Variants in NTN3 observed in about 807,000 individuals in gnomAD.
NTN3 encodes netrin 3, also known as netrin-3.
A neutral mutation model predicts 37.2 loss-of-function variants in NTN3; 44 were observed. That is an observed-to-expected ratio of 1.18 (90% CI 0.93 to 1.52). The LOEUF (loss-of-function observed/expected upper bound fraction) is 1.52. Ranked by LOEUF, NTN3 falls within the 40% of genes most tolerant of loss-of-function variation. NTN3 has a pLI of 0.00. For missense variants in NTN3, 882 were observed against 857.3 expected (o/e 1.03, Z -0.36); for synonymous variants, 385 against 376.0 (o/e 1.02, Z -0.28).
rs1392728025 is a variant in NTN3 at position 2,473,003 on chromosome 16, T to C, written c.1136T>C (p.Val379Ala). ...RACRACDCHP[V>A]GAAGKTCNQT... The stretch of plus-strand genomic sequence containing the variant: ...TCCTCAGCCTGCGACTGTCACCCGG[T>C]TGGTGCTGCTGGCAAGACCTGCAAC... Residue 379 changes from valine to alanine, a missense_variant, in exon 3 of 6, where the codon GTT becomes GCT. Physicochemically the swap from Val to Ala is moderately conservative, Grantham distance 64. Coordinates refer to ENST00000293973, the MANE Select transcript of NTN3 (RefSeq NM_006181.3). 6.2e-7 allele frequency: 1 copy of C among 1,605,172 alleles called. No homozygotes were observed. Among genetic ancestry groups the C allele is most frequent in the African/African-American group, 1.3e-5 (1 of 74,798 alleles).
rs554875008 is a variant in NTN3 at position 2,472,321 on chromosome 16, G to A, written c.620G>A (p.Ser207Asn). The change falls in exon 1 of 6, where the codon AGC (serine) becomes AAC (asparagine). Residue 207 changes from serine to asparagine, a missense_variant. Ser to Asn is a conservative substitution (Grantham distance 46). Coordinates refer to ENST00000293973, the MANE Select transcript of NTN3 (RefSeq NM_006181.3). ...DSSPPGLDLD[S>N]SPVLQDWVTA... is the part of the protein sequence containing the mutation. ...AGCCCCCCAGGCCTGGACCTGGACAGCAGCCCAGTGCTCCAAGACTGGGTG... is the reference window on the plus strand; with the variant it reads ...AGCCCCCCAGGCCTGGACCTGGACAACAGCCCAGTGCTCCAAGACTGGGTG... 7.0e-4 allele frequency: 1,127 copies of A among 1,609,958 alleles called. 9 individuals are homozygous for A. In the South Asian group the frequency reaches 0.011, roughly 16 times the overall value.
rs779303286 is a variant in NTN3, at chr16:2,472,415, C to T, written c.714C>T (p.Ala238=). 55 of 1,612,472 alleles carry T rather than the reference C, an allele frequency of 3.4e-5. No homozygotes were observed. The highest frequency in any genetic ancestry group is 5.3e-5 in the African/African-American group (4 of 74,924). ...CAGGTGACCCCAGGGACATGGAGGC[C>T]GTCGTCCCTTACTCCTACGCAGCCA... is the stretch of plus-strand genomic sequence containing the variant. ...STAGDPRDME[A]VVPYSYAATD... The change falls in exon 1 of 6, where the codon GCC becomes GCT. Residue 238 remains alanine, a synonymous_variant. Transcript: ENST00000293973.
In NTN3 at chr16:2,471,981, C is replaced by A. The variant is rs749265175; in HGVS notation, c.280C>A (p.Arg94Ser). 9 of 1,598,182 alleles carry A rather than the reference C, an allele frequency of 5.6e-6. No homozygotes were observed. Among genetic ancestry groups the A allele is most frequent in the Non-Finnish European group, 7.6e-6 (9 of 1,177,822 alleles). The change falls in exon 1 of 6, where the codon CGC becomes AGC. Residue 94 changes from arginine (R) to serine (S), a missense_variant. By Grantham distance (110) the Arg-to-Ser change is moderately radical (BLOSUM62 -1). Transcript: ENST00000293973. The stretch of plus-strand genomic sequence containing the variant: ...GGGCACGGCCAGCCCTCTGTGCTGG[C>A]GCTCGGAGTCCCTGCCTCGGGCGCC... ...PGGTASPLCW[R>S]SESLPRAPLN...
rs1305025135 is a variant in NTN3, at chr16:2,473,774, G to T, written c.1412G>T (p.Gly471Val). 2.9e-6 allele frequency: 4 copies of T among 1,386,032 alleles called. No individual in the cohort carries two copies. In the South Asian group the frequency reaches 4.9e-5, roughly 17 times the overall value. The allele number at this position is 1,386,032 out of a possible 1,614,324, so 85.9% of individuals were successfully genotyped here. A position where few individuals can be genotyped will look rare whatever the true frequency, so the allele number is the denominator to read the frequency against. Residue 471 changes from glycine (G) to valine (V), a missense_variant, in exon 6 of 6, where the codon GGT (glycine) becomes GTT (valine). Transcript: ENST00000293973. Reference sequence around the variant, plus strand: ...CCCGCAGCGGTGCAGGTGGCGGTGGGTGCGCGCGGCGAGGCGCGCGGCGCG... The same window carrying T: ...CCCGCAGCGGTGCAGGTGGCGGTGGTTGCGCGCGGCGAGGCGCGCGGCGCG... ...KKDYAVQVAVGARGEARGAWT... is the reference protein window; with the variant it reads ...KKDYAVQVAVVARGEARGAWT...
At position 2,472,824 on chromosome 16, in the gene NTN3, A is replaced by C; in HGVS notation, c.1052A>C (p.His351Pro). The change falls in exon 2 of 6, where the codon CAC becomes CCC. Residue 351 changes from histidine to proline, a missense_variant. Coordinates refer to ENST00000293973, the MANE Select transcript of NTN3 (RefSeq NM_006181.3). The stretch of plus-strand genomic sequence containing the variant: ...CACAACACCGCCGGCCGCCACTGCC[A>C]CTACTGCCGGGAGGGCTTCTATCGA... ...CRHNTAGRHC[H>P]YCREGFYRDP... The C allele has an allele frequency of 6.2e-7, 1 of 1,609,916 alleles. No individual in the cohort carries two copies. The highest frequency in any genetic ancestry group is 8.5e-7 in the Non-Finnish European group (1 of 1,179,516).
In NTN3 at chr16:2,472,387, C is replaced by T. The variant is rs372301144; in HGVS notation, c.686C>T (p.Thr229Met). The change falls in exon 1 of 6, where the codon ACG (threonine) becomes ATG (methionine). Residue 229 changes from threonine to methionine, a missense_variant. By Grantham distance (81) the Thr-to-Met change is moderately conservative. Transcript: ENST00000293973. ...CGTGTAGTGCTCACAAGGCCTAGCA[C>T]GGCAGGTGACCCCAGGGACATGGAG... ...DVRVVLTRPS[T>M]AGDPRDMEAV... 26 of 1,612,712 alleles carry T rather than the reference C, an allele frequency of 1.6e-5. 1 individual carries two copies. The highest frequency in any genetic ancestry group is 1.9e-5 in the Non-Finnish European group (23 of 1,179,906).
Position 2,472,298 on chromosome 16 carries a change from C to G in NTN3, c.597C>G (p.Ser199Arg), listed in dbSNP as rs1276488553. The change falls in exon 1 of 6, where the codon AGC becomes AGG. Residue 199 changes from serine to arginine, a missense_variant. Physicochemically the swap from Ser to Arg is moderately radical, Grantham distance 110. Transcript: ENST00000293973. ...GLLAFSMQDS[S>R]PPGLDLDSSP... ...TGGCCTTCAGCATGCAGGACAGCAG[C>G]CCCCCAGGCCTGGACCTGGACAGCA... is the stretch of plus-strand genomic sequence containing the variant. 3.1e-6 allele frequency: 5 copies of G among 1,606,648 alleles called. No homozygotes were observed. In the East Asian group the frequency reaches 1.1e-4, roughly 36 times the overall value.
rs768950238 is a variant in NTN3 at position 2,472,252 on chromosome 16, A to G, written c.551A>G (p.Gln184Arg). 5.0e-6 allele frequency: 8 copies of G among 1,609,916 alleles called. No individual in the cohort carries two copies. In the South Asian group the frequency reaches 8.8e-5, roughly 18 times the overall value. Residue 184 changes from glutamine (Q) to arginine (R), a missense_variant, in exon 1 of 6, where the codon CAG becomes CGG. Physicochemically the swap from Gln to Arg is conservative, Grantham distance 43 (BLOSUM62 1). Coordinates refer to ENST00000293973, the MANE Select transcript of NTN3 (RefSeq NM_006181.3). The stretch of plus-strand genomic sequence containing the variant: ...CTGTGCTTCCCCGCACCCCTGGCCC[A>G]GCCTGATGGCAGCGGCCTTCTGGCC... ...EALCFPAPLA[Q>R]PDGSGLLAFS...
chr16:2,472,704 G>C lies in NTN3; in HGVS notation c.932G>C (p.Cys311Ser). The change falls in exon 2 of 6, where the codon TGC (cysteine) becomes TCC (serine). Residue 311 changes from cysteine to serine, a missense_variant. Physicochemically the swap from Cys to Ser is moderately radical, Grantham distance 112. Coordinates refer to ENST00000293973, the MANE Select transcript of NTN3 (RefSeq NM_006181.3). ...CCTGACCCATCCCTCCCTGCAGCTT[G>C]CTCCTGCAACGGCCATGCCCGCCGC... ...TARESHACLA[C>S]SCNGHARRCR... 1 of 1,608,808 alleles carries C rather than the reference G, an allele frequency of 6.2e-7. No individual in the cohort carries two copies. Among genetic ancestry groups the C allele is most frequent in the Non-Finnish European group, 8.5e-7 (1 of 1,179,288 alleles).
Position 2,473,922 on chromosome 16 carries a change from C to A in NTN3, c.1560C>A (p.Leu520=), listed in dbSNP as rs965871049. ...CGGCCTGCGGCTGCCCGCGCCTGCT[C>A]CCCGGCCGCCGCTACCTCCTGCTGG... ...GDAACGCPRL[L]PGRRYLLLGG... Residue 520 remains leucine, a synonymous_variant, in exon 6 of 6, where the codon CTC becomes CTA. Coordinates refer to ENST00000293973, the MANE Select transcript of NTN3 (RefSeq NM_006181.3). 3 of 1,187,876 alleles carry A rather than the reference C, an allele frequency of 2.5e-6. No homozygotes were observed. The highest frequency in any genetic ancestry group is 4.5e-5 in the Admixed American group (1 of 22,002). The allele number at this position is 1,187,876 out of a possible 1,614,324, so 73.6% of individuals were successfully genotyped here. A position where few individuals can be genotyped will look rare whatever the true frequency, so the allele number is the denominator to read the frequency against.
At chr16:2,472,673 C>T (rs753204272) in intron 1 of NTN3, 28 bp from the exon 2 acceptor site, 1 of 1,606,218 alleles carries the variant, frequency 6.2e-7, no homozygotes, top group Admixed American at 1.7e-5. Flanking sequence ...ACACAACCAG[C>T]CTGCCCCTGA....
At chr16:2,473,669 C>T in intron 5 of NTN3, 87 bp from the exon 6 acceptor site, 2 of 1,305,430 alleles carry the variant, frequency 1.5e-6, no homozygotes, top group Non-Finnish European at 2.1e-6. Flanking sequence ...TCAGCCCCCA[C>T]TGCCCTCCTG....
At position 2,474,079 on chromosome 16, in the gene NTN3, C is replaced by T. The variant is rs2065542182; in HGVS notation, c.1717C>T (p.Arg573Trp). ...CCTGCGGAGGCTGCAGCGACGCGAA[C>T]GGCGGGGGCGCTGCAGCGCCGCCTG... Reference protein sequence around the residue: ...RRLRRLQRRERRGRCSAA With the variant: ...RRLRRLQRREWRGRCSAA Residue 573 changes from arginine to tryptophan, a missense_variant, in exon 6 of 6, where the codon CGG becomes TGG. Physicochemically the swap from Arg to Trp is moderately radical, Grantham distance 101. Coordinates refer to ENST00000293973, the MANE Select transcript of NTN3 (RefSeq NM_006181.3). 3 of 1,207,282 alleles carry T rather than the reference C, an allele frequency of 2.5e-6. No individual in the cohort carries two copies. The South Asian group carries it at 1.2e-4, about 50-fold the overall frequency. The allele number at this position is 1,207,282 out of a possible 1,614,324, so 74.8% of individuals were successfully genotyped here.
chr16:2,473,468 G>T lies in NTN3; in HGVS notation c.1358G>T (p.Arg453Leu), dbSNP rs140362721. 5.5e-5 allele frequency: 89 copies of T among 1,612,836 alleles called. No homozygotes were observed. Among genetic ancestry groups the T allele is most frequent in the Middle Eastern group, 3.3e-4 (2 of 6,084 alleles). ...TGCAAACCTGCCCGTGGCAGCTACC[G>T]CATCAGCCTAAAGAAGTTCTGCAAG... ...SHCKPARGSY[R>L]ISLKKFCKKD... Residue 453 changes from arginine to leucine, a missense_variant, in exon 5 of 6, where the codon CGC becomes CTC. Coordinates refer to ENST00000293973, the MANE Select transcript of NTN3 (RefSeq NM_006181.3).
chr16:2,472,958 C>G (rs1486486446), intron 2 of NTN3, 27 bp from the exon 3 acceptor site: 2 of 1,585,892 alleles, frequency 1.3e-6, no homozygotes, highest in Non-Finnish European at 1.7e-6. Flanking sequence ...AGGCTTCTGA[C>G]CAGGCCCTTC....
At position 2,474,087 on chromosome 16, in the gene NTN3, G is replaced by T. The variant is rs1001517211; in HGVS notation, c.1725G>T (p.Gly575=). The change falls in exon 6 of 6, where the codon GGG becomes GGT. Residue 575 remains glycine (G), a synonymous_variant. Coordinates refer to ENST00000293973, the MANE Select transcript of NTN3 (RefSeq NM_006181.3). ...LRRLQRRERR[G]RCSAA is the part of the protein sequence containing the mutation. ...GGCTGCAGCGACGCGAACGGCGGGG[G>T]CGCTGCAGCGCCGCCTGAGCCCGCC... 1.8e-5 allele frequency: 22 copies of T among 1,207,510 alleles called. No individual in the cohort carries two copies. The highest frequency in any genetic ancestry group is 2.3e-5 in the Non-Finnish European group (22 of 971,862). The allele number at this position is 1,207,510 out of a possible 1,614,324, so 74.8% of individuals were successfully genotyped here.
At position 2,472,471 on chromosome 16, in the gene NTN3, G is replaced by A. The variant is rs368802474; in HGVS notation, c.770G>A (p.Cys257Tyr). ...TDLQVGGRCKCNGHASRCLLD... is the reference protein window; with the variant it reads ...TDLQVGGRCKYNGHASRCLLD... ...CTCCAGGTGGGCGGGCGCTGCAAGTGCAATGGACATGCCTCACGGTGCCTG... is the reference window on the plus strand; with the variant it reads ...CTCCAGGTGGGCGGGCGCTGCAAGTACAATGGACATGCCTCACGGTGCCTG... Residue 257 changes from cysteine to tyrosine, a missense_variant, in exon 1 of 6, where the codon TGC (cysteine) becomes TAC (tyrosine). Coordinates refer to ENST00000293973, the MANE Select transcript of NTN3 (RefSeq NM_006181.3). 3.1e-5 allele frequency: 50 copies of A among 1,611,808 alleles called. No homozygotes were observed. The highest frequency in any genetic ancestry group is 3.8e-5 in the Non-Finnish European group (45 of 1,179,660).
In NTN3 at chr16:2,472,134, G is replaced by T; in HGVS notation, c.433G>T (p.Ala145Ser). 6.2e-7 allele frequency: 1 copy of T among 1,608,158 alleles called. No homozygotes were observed. The change falls in exon 1 of 6, where the codon GCC becomes TCC. Residue 145 changes from alanine (A) to serine (S), a missense_variant. Coordinates refer to ENST00000293973, the MANE Select transcript of NTN3 (RefSeq NM_006181.3). ...GTCTCAGGACCATGGCCGCAGCTGG[G>T]CCCCGCTGGGCTTCTTCTCCTCCCA... ...LKSQDHGRSW[A>S]PLGFFSSHCD... is the part of the protein sequence containing the mutation.
Position 2,474,071 on chromosome 16 carries a change from G to T in NTN3, c.1709G>T (p.Arg570Leu). 8.3e-7 allele frequency: 1 copy of T among 1,208,902 alleles called. No individual in the cohort carries two copies. Among genetic ancestry groups the T allele is most frequent in the East Asian group, 3.4e-5 (1 of 29,680 alleles). The allele number at this position is 1,208,902 out of a possible 1,614,324, so 74.9% of individuals were successfully genotyped here. ...AWTRRLRRLQ[R>L]RERRGRCSAA Reference sequence around the variant, plus strand: ...ACGCGGCGCCTGCGGAGGCTGCAGCGACGCGAACGGCGGGGGCGCTGCAGC... The same window carrying T: ...ACGCGGCGCCTGCGGAGGCTGCAGCTACGCGAACGGCGGGGGCGCTGCAGC... Residue 570 changes from arginine (R) to leucine (L), a missense_variant, in exon 6 of 6, where the codon CGA becomes CTA. Arg to Leu is a moderately radical substitution (Grantham distance 102, BLOSUM62 -2). Coordinates refer to ENST00000293973, the MANE Select transcript of NTN3 (RefSeq NM_006181.3).
Sources: allele counts gnomAD v4.1 joint callset, GRCh38; gene constraint gnomAD v4.1.1; transcripts MANE v1.5; gene names NCBI Gene and HGNC (gene_info 2026-07-23, HGNC 2026-07-21).